Variants in CDH7 observed in about 807,000 individuals in gnomAD.
CDH7 encodes cadherin-7.
In CDH7, 25 loss-of-function variants were observed where a neutral mutation model predicts 71.8. The observed-to-expected ratio is 0.35, with a 90% CI of 0.25 to 0.49. The LOEUF is 0.49. CDH7 is among the 20% of genes least tolerant of loss of function. The probability of loss-of-function intolerance (pLI) is 0.99; values close to 1 mark genes in which losing one functional copy is unlikely to be tolerated. For missense variants in CDH7, 862 were observed against 974.6 expected (o/e 0.88, Z 1.54); for synonymous variants, 381 against 363.8 (o/e 1.05, Z -0.54).
In CDH7 at chr18:65,857,850, T is replaced by C; in HGVS notation, c.1270T>C (p.Tyr424His). 2.5e-6 allele frequency: 4 copies of C among 1,613,518 alleles called. No individual in the cohort carries two copies. The highest frequency in any genetic ancestry group is 3.4e-6 in the Non-Finnish European group (4 of 1,179,544). The change falls in exon 8 of 12, where the codon TAC becomes CAC. Residue 424 changes from tyrosine (Y) to histidine (H), a missense_variant. Transcript: ENST00000397968. Reference protein sequence around the residue: ...SIDRNTDLERYFNIDANSGVI... With the variant: ...SIDRNTDLERHFNIDANSGVI... ...TGACAGAAACACAGACTTGGAGAGATACTTCAATATTGATGCCAACAGTGG... is the reference window on the plus strand; with the variant it reads ...TGACAGAAACACAGACTTGGAGAGACACTTCAATATTGATGCCAACAGTGG...
chr18:65,772,122 A>G (rs1011786067), intron 2 of CDH7, among the ~76,000 whole-genome samples: 4 of 152,216 alleles, frequency 2.6e-5, no homozygotes, highest in African/African-American at 9.6e-5. Context: ...ACACACAATC[A>G]AAATTTGGAC....
chr18:65,823,437 T>C (rs1912010832), intron 5 of CDH7, among the ~76,000 whole-genome samples: 2 of 151,930 alleles, frequency 1.3e-5, no homozygotes, highest in African/African-American at 4.8e-5. Flanking sequence ...AGAATTTTAG[T>C]AGGATACAGG....
intron 2 of CDH7, among the ~76,000 whole-genome samples, chr18:65,781,815 C>CT (rs1568181477): frequency 2.1e-4 from 12 of 58,344 alleles, no homozygotes; most frequent in Non-Finnish European, 2.9e-4. Context: ...TCCTTCCTTC[C>CT]TTCCTTCTTT....
At chr18:65,776,452 C>G (rs1259430481) in intron 2 of CDH7, among the ~76,000 whole-genome samples, 1 of 151,404 alleles carries the variant, frequency 6.6e-6, no homozygotes, top group Admixed American at 6.6e-5. Flanking sequence ...GAGGATTGTT[C>G]TATTCTCAAA....
At chr18:65,817,063 A>G (rs1196769227) in intron 4 of CDH7, among the ~76,000 whole-genome samples, 1 of 152,210 alleles carries the variant, frequency 6.6e-6, no homozygotes, top group African/African-American at 2.4e-5. Flanking sequence ...GTTTAAATAC[A>G]TCATCAGCAA....
At position 65,887,693 on chromosome 18, in the gene CDH7, A is replaced by G. The variant is rs568185225; in HGVS notation, c.*6799A>G. ...TGTTGAAGTAAAGTAAATGACTTTTAAATATTTTCTTTTTAGCTTTTAAGA... is the reference window on the plus strand; with the variant it reads ...TGTTGAAGTAAAGTAAATGACTTTTGAATATTTTCTTTTTAGCTTTTAAGA... On this transcript the variant is annotated 3_prime_UTR_variant, in exon 12 of 12. Coordinates refer to ENST00000397968, the MANE Select transcript of CDH7 (RefSeq NM_004361.5). 87 of 152,254 alleles carry G rather than the reference A, an allele frequency of 5.7e-4. No individual in the cohort carries two copies. Among genetic ancestry groups the G allele is most frequent in the Admixed American group, 1.3e-3 (20 of 15,290 alleles). The allele number at this position is 152,254 out of a possible 1,614,324, so 9.4% of individuals were successfully genotyped here.
intron 3 of CDH7, among the ~76,000 whole-genome samples, chr18:65,812,333 G>C (rs1911574180): frequency 6.6e-6 from 1 of 152,050 alleles, no homozygotes; most frequent in Non-Finnish European, 1.5e-5. Flanking sequence ...AATTTTCTTA[G>C]AGAATTATTT....
At chr18:65,858,192 G>T (rs1302453508) in intron 8 of CDH7, among the ~76,000 whole-genome samples, 1 of 151,876 alleles carries the variant, frequency 6.6e-6, no homozygotes, top group Non-Finnish European at 1.5e-5. Flanking sequence ...TACCTTCACA[G>T]GATTTCTTTT....
chr18:65,834,265 T>C (rs190733772), intron 6 of CDH7, among the ~76,000 whole-genome samples: 8 of 152,148 alleles, frequency 5.3e-5, no homozygotes, highest in Admixed American at 1.3e-4. Context: ...TTGGAACAAG[T>C]GATGTTTGGT....
chr18:65,788,834 C>T (rs778572993), intron 2 of CDH7, among the ~76,000 whole-genome samples: 2 of 152,206 alleles, frequency 1.3e-5, no homozygotes, highest in South Asian at 2.1e-4. Flanking sequence ...CTGTACATTT[C>T]TGCCCTACCC....
intron 6 of CDH7, among the ~76,000 whole-genome samples, chr18:65,841,284 A>C (rs1441235662): frequency 6.6e-6 from 1 of 152,186 alleles, no homozygotes; most frequent in Non-Finnish European, 1.5e-5. Context: ...TAAAAAAACA[A>C]GTTGCTGTAA....
intron 7 of CDH7, among the ~76,000 whole-genome samples, chr18:65,856,454 A>G (rs1301287995): frequency 6.6e-6 from 1 of 152,134 alleles, no homozygotes; most frequent in Non-Finnish European, 1.5e-5. Flanking sequence ...CCCTATTAGG[A>G]TGAAGAATTG....
At chr18:65,787,073 A>G (rs1044248014) in intron 2 of CDH7, among the ~76,000 whole-genome samples, 1 of 152,172 alleles carries the variant, frequency 6.6e-6, no homozygotes, top group Non-Finnish European at 1.5e-5. Flanking sequence ...TTTCACCAAA[A>G]CAGATTCAAG....
intron 6 of CDH7, among the ~76,000 whole-genome samples, chr18:65,840,211 C>T (rs1912678150): frequency 6.6e-6 from 1 of 152,072 alleles, no homozygotes; most frequent in Non-Finnish European, 1.5e-5. Flanking sequence ...AATTTAAAGA[C>T]TATTTTTGTA....
chr18:65,832,579 T>A (rs1912389776), intron 6 of CDH7, among the ~76,000 whole-genome samples: 2 of 152,030 alleles, frequency 1.3e-5, no homozygotes, highest in Non-Finnish European at 2.9e-5. Flanking sequence ...AAAATGATGA[T>A]GAAATTTTCA....
intron 2 of CDH7, among the ~76,000 whole-genome samples, chr18:65,805,099 T>C (rs1301401517): frequency 6.6e-6 from 1 of 152,208 alleles, no homozygotes; most frequent in African/African-American, 2.4e-5. Flanking sequence ...ATTAAGAATG[T>C]AGAACATAGT....
At chr18:65,812,722 G>A (rs1462368256) in intron 3 of CDH7, among the ~76,000 whole-genome samples, 1 of 152,116 alleles carries the variant, frequency 6.6e-6, no homozygotes, top group African/African-American at 2.4e-5. Flanking sequence ...GTCTATATGT[G>A]TTAAATGAGA....
chr18:65,770,644 T>C (rs1020284534), intron 2 of CDH7, among the ~76,000 whole-genome samples: 10 of 152,178 alleles, frequency 6.6e-5, no homozygotes, highest in African/African-American at 2.2e-4. Context: ...AAGGTGATGT[T>C]CTTATGTTAG....
intron 2 of CDH7, among the ~76,000 whole-genome samples, chr18:65,781,285 T>G (rs990750637): frequency 3.3e-5 from 5 of 152,190 alleles, no homozygotes; most frequent in African/African-American, 1.2e-4. Context: ...TCTTTGTATA[T>G]ATTTCAAATA....
Sources: allele counts gnomAD v4.1 joint callset (sites outside exome capture counted in the v4.1 genomes callset), GRCh38; gene constraint gnomAD v4.1.1; transcripts MANE v1.5; gene names NCBI Gene and HGNC (gene_info 2026-07-23, HGNC 2026-07-21).